The following PLEKHG3 variants were observed in gnomAD, a reference collection of about 807,000 sequenced individuals.
The protein encoded by PLEKHG3 is pleckstrin homology and RhoGEF domain containing G3, also known as pleckstrin homology domain-containing family G member 3.
In PLEKHG3, 62 loss-of-function variants were observed where a neutral mutation model predicts 94.9. That is an observed-to-expected ratio of 0.65 (90% confidence interval 0.53 to 0.81). PLEKHG3 has a LOEUF of 0.81. PLEKHG3 is among the 30% of genes least tolerant of loss of function. The pLI is 0.00. For missense variants in PLEKHG3, 1,461 were observed against 1,619.3 expected, an observed-to-expected ratio of 0.90 and a Z score of 1.68; for synonymous variants, 614 against 654.0, an observed-to-expected ratio of 0.94 and a Z score of 0.93.
intron 15 of PLEKHG3, among the ~76,000 whole-genome samples, chr14:64,740,438 C>A (rs1017228398): frequency 2.0e-5 from 3 of 152,256 alleles, no homozygotes; most frequent in African/African-American, 7.2e-5. Context: ...GCTGGGCCCA[C>A]AGGTACTGGG....
rs1233244776 is a variant in PLEKHG3, at chr14:64,743,680, C to T, written c.3637C>T (p.Gln1213Ter). 3.2e-6 allele frequency: 5 copies of T among 1,579,716 alleles called. No homozygotes were observed. In the African/African-American group the frequency reaches 4.0e-5, roughly 13 times the overall value. ...AGTGAGAAACCTTAGAGAGAAGTTC[C>T]AGGCCTTGAACTCTGTCGGTTGATG... ...GRVRNLREKF[Q>*]ALNSVG is the part of the protein sequence containing the mutation. The change falls in exon 17 of 17, where the codon CAG (glutamine) becomes TAG (stop). Residue 1213 changes from glutamine to a stop codon, truncating the protein, a stop_gained. Coordinates refer to ENST00000247226, the MANE Select transcript of PLEKHG3 (RefSeq NM_001308147.2). LOFTEE classifies it high-confidence loss of function. The surrounding 1 kb of genome is among the most constrained non-coding windows in gnomAD (Gnocchi z 7.2).
At chr14:64,709,444 A>C (rs1176697826) in intron 1 of PLEKHG3, among the ~76,000 whole-genome samples, 4 of 152,126 alleles carry the variant, frequency 2.6e-5, no homozygotes, top group African/African-American at 9.7e-5. Context: ...ATTTTTAAGG[A>C]CTTGCACTCT....
In PLEKHG3 at chr14:64,730,193, C is replaced by A; in HGVS notation, c.450-50C>A. 2.0e-6 allele frequency: 2 copies of A among 985,164 alleles called. No homozygotes were observed. The highest frequency in any genetic ancestry group is 3.1e-6 in the Non-Finnish European group (2 of 644,168). The allele number at this position is 985,164 out of a possible 1,614,324, so 61.0% of individuals were successfully genotyped here. On this transcript the variant is annotated intron_variant, in intron 3 of 16. Transcript: ENST00000247226. The surrounding 1 kb of genome is among the most constrained non-coding windows in gnomAD (Gnocchi z 5.4). ...AGGTTGGGGAGGGGGCAGTGAGGGG[C>A]ATTGTCCTCTGACTGCAGAGGGTAC...
In PLEKHG3 at chr14:64,742,086, A is replaced by G. The variant is rs1272068670; in HGVS notation, c.2569A>G (p.Ile857Val). Residue 857 changes from isoleucine (I) to valine (V), a missense_variant, in exon 16 of 17, where the codon ATC (isoleucine) becomes GTC (valine). Around this residue, in one of 3 missense-constraint regions of PLEKHG3, gnomAD observed 1,201 missense variants for 1,295.5 expected, o/e 0.93. Coordinates refer to ENST00000247226, the MANE Select transcript of PLEKHG3 (RefSeq NM_001308147.2). Reference protein sequence around the residue: ...FILEEHELGAITEESATASPE... With the variant: ...FILEEHELGAVTEESATASPE... ...CCTGGAGGAGCATGAGCTGGGAGCC[A>G]TCACAGAGGAGTCGGCCACTGCCTC... 2.5e-6 allele frequency: 4 copies of G among 1,609,474 alleles called. No individual in the cohort carries two copies. The East Asian group carries it at 6.7e-5, about 27-fold the overall frequency.
chr14:64,745,931 C>G lies in PLEKHG3; in HGVS notation c.*2228C>G, dbSNP rs1275897366. ...AGTGCTTACATTCCATCTCCCTAGA[C>G]CAACAGAAACTGCCCTCTGGAGGTG... On this transcript the variant is annotated 3_prime_UTR_variant, in exon 17 of 17. Coordinates refer to ENST00000247226, the MANE Select transcript of PLEKHG3 (RefSeq NM_001308147.2). This position sits in a 1 kb window ranked among gnomAD's most constrained non-coding sequence, Gnocchi z 5.0. The G allele has an allele frequency of 6.6e-6, 1 of 152,212 alleles. No homozygotes were observed. The highest frequency in any genetic ancestry group is 3.2e-3 in the Middle Eastern group (1 of 316). 9.4% of individuals were successfully genotyped at this position (152,212 alleles called of 1,614,324 possible).
intron 1 of PLEKHG3, among the ~76,000 whole-genome samples, chr14:64,714,941 C>T (rs977703466): frequency 6.6e-6 from 1 of 152,120 alleles, no homozygotes; most frequent in African/African-American, 2.4e-5. Flanking sequence ...TGGTTCTTAC[C>T]TCTAGGAGGT....
rs769300381 is a variant in PLEKHG3 at position 64,749,312 on chromosome 14, C to T, written c.*5609C>T. 1 of 1,602,682 alleles carries T rather than the reference C, an allele frequency of 6.2e-7. No individual in the cohort carries two copies. Among genetic ancestry groups the T allele is most frequent in the African/African-American group, 1.3e-5 (1 of 74,784 alleles). ...CGCCCGCCAGCCCCACCTGCTACTT[C>T]TTTTTGGGGAAGAAGCTGAATCTCT... On this transcript the variant is annotated 3_prime_UTR_variant, in exon 17 of 17. Coordinates refer to ENST00000247226, the MANE Select transcript of PLEKHG3 (RefSeq NM_001308147.2). The surrounding 1 kb of genome is among the most constrained non-coding windows in gnomAD (Gnocchi z 4.7).
At position 64,716,456 on chromosome 14, in the gene PLEKHG3, AC is replaced by A. The variant is rs1312115506; in HGVS notation, c.-39-11136del. 4.3e-5 allele frequency among the ~76,000 whole-genome samples: 6 copies of A among 138,994 alleles called. No individual in the cohort carries two copies. The highest frequency in any genetic ancestry group is 1.6e-4 in the African/African-American group (6 of 36,534). The allele number at this position is 138,994 out of a possible 152,430, so 91.2% of individuals were successfully genotyped here. ...GCCCTACACACACACACACACACAC[AC>A]ACACACACAACACACACACACACAA... is the stretch of plus-strand genomic sequence containing the variant. On this transcript the variant is annotated intron_variant, in intron 1 of 16. Transcript: ENST00000247226. The surrounding 1 kb of genome is among the most constrained non-coding windows in gnomAD (Gnocchi z 5.0).
At position 64,729,280 on chromosome 14, in the gene PLEKHG3, A is replaced by G. The variant is rs868043692; in HGVS notation, c.449+187A>G. Among the ~76,000 whole-genome samples the G allele has an allele frequency of 6.6e-5, 10 of 152,194 alleles. No individual in the cohort carries two copies. The South Asian group carries it at 1.2e-3, about 19-fold the overall frequency. On this transcript the variant is annotated intron_variant, in intron 3 of 16. Coordinates refer to ENST00000247226, the MANE Select transcript of PLEKHG3 (RefSeq NM_001308147.2). ...CTGATCTGCTTTCTCTCAAGGGCAG[A>G]CGGGGAGGTAATTTGAGGTTGTGTG...
At position 64,730,703 on chromosome 14, in the gene PLEKHG3, T is replaced by C. The variant is rs1481216079; in HGVS notation, c.566+15T>C. 6.2e-7 allele frequency: 1 copy of C among 1,612,926 alleles called. No individual in the cohort carries two copies. Among genetic ancestry groups the C allele is most frequent in the South Asian group, 1.1e-5 (1 of 91,050 alleles). ...AATTACCCCAAGTGAGTAATTGGGGTGAGAGGGAAGGCAGAGCCATTTGGT... is the reference window on the plus strand; with the variant it reads ...AATTACCCCAAGTGAGTAATTGGGGCGAGAGGGAAGGCAGAGCCATTTGGT... On this transcript the variant is annotated intron_variant, in intron 5 of 16. Transcript: ENST00000247226. This position sits in a 1 kb window ranked among gnomAD's most constrained non-coding sequence, Gnocchi z 5.4.
At chr14:64,736,731 A>AG (rs2081577742) in intron 12 of PLEKHG3, 122 bp from the exon 13 acceptor site, 6 of 773,694 alleles carry the variant, frequency 7.8e-6, no homozygotes, top group Non-Finnish European at 1.4e-5. Flanking sequence ...CTATGACTGC[A>AG]GGGGGCCAAG....
In PLEKHG3 at chr14:64,709,802, C is replaced by G. The variant is rs550216816; in HGVS notation, c.-40+5098C>G. 1.5e-4 allele frequency among the ~76,000 whole-genome samples: 22 copies of G among 151,718 alleles called. No individual in the cohort carries two copies. In the South Asian group the frequency reaches 4.4e-3, roughly 30 times the overall value. ...AGGAACCAGTATTCTCATATAGCTTCTATTCCTTCAGTTCATTGCTACATC... is the reference window on the plus strand; with the variant it reads ...AGGAACCAGTATTCTCATATAGCTTGTATTCCTTCAGTTCATTGCTACATC... On this transcript the variant is annotated intron_variant, in intron 1 of 16. Coordinates refer to ENST00000247226, the MANE Select transcript of PLEKHG3 (RefSeq NM_001308147.2).
In PLEKHG3 at chr14:64,731,995, TG is replaced by T; in HGVS notation, c.1126-98del. The T allele has an allele frequency of 1.0e-6, 1 of 954,408 alleles. No homozygotes were observed. Among genetic ancestry groups the T allele is most frequent in the Non-Finnish European group, 1.7e-6 (1 of 589,056 alleles). The allele number at this position is 954,408 out of a possible 1,614,324, so 59.1% of individuals were successfully genotyped here. ...GGTTAACCTCACAGAGGCCCCAGCA[TG>T]GCCCCACTTTTTCTCCCTGGGTGGA... is the stretch of plus-strand genomic sequence containing the variant. On this transcript the variant is annotated intron_variant, in intron 9 of 16. Coordinates refer to ENST00000247226, the MANE Select transcript of PLEKHG3 (RefSeq NM_001308147.2). The surrounding 1 kb of genome is among the most constrained non-coding windows in gnomAD (Gnocchi z 6.1).
rs766894830 is a variant in PLEKHG3, at chr14:64,727,880, G to A, written c.249G>A (p.Ala83=). The A allele has an allele frequency of 1.8e-5, 29 of 1,613,088 alleles. No homozygotes were observed. Among genetic ancestry groups the A allele is most frequent in the East Asian group, 2.2e-5 (1 of 44,862 alleles). The change falls in exon 2 of 17, where the codon GCG becomes GCA. Residue 83 remains alanine, a synonymous_variant. Transcript: ENST00000247226. This position sits in a 1 kb window ranked among gnomAD's most constrained non-coding sequence, Gnocchi z 6.0. ...TCTCCCCGTTCAACAGCCGGGCAGC[G>A]GCAGGGCCTGCACACCACAAGCTCA... ...GPLSPFNSRA[A]AGPAHHKLSY...
chr14:64,744,696 A>T lies in PLEKHG3; in HGVS notation c.*993A>T, dbSNP rs1436830415. 6.6e-6 allele frequency: 1 copy of T among 151,878 alleles called. No individual in the cohort carries two copies. Among genetic ancestry groups the T allele is most frequent in the Non-Finnish European group, 1.5e-5 (1 of 68,016 alleles). 9.4% of individuals were successfully genotyped at this position (151,878 alleles called of 1,614,324 possible). On this transcript the variant is annotated 3_prime_UTR_variant, in exon 17 of 17. Transcript: ENST00000247226. ...GTGAGGTGGATAGACTGTTTTTCTC[A>T]TAAGCAGATGCTCCCAGTATCTGGT...
chr14:64,741,711 G>T lies in PLEKHG3; in HGVS notation c.2194G>T (p.Ala732Ser). 6.2e-7 allele frequency: 1 copy of T among 1,613,096 alleles called. No homozygotes were observed. ...TTATGAAAATGCAGAACACCATGAT[G>T]CAGGCTTCAGCGTCCGTCGCCGGGA... The part of the protein sequence containing the change: ...SYYENAEHHD[A>S]GFSVRRRESL... Residue 732 changes from alanine (A) to serine (S), a missense_variant, in exon 16 of 17, where the codon GCA (alanine) becomes TCA (serine). This residue lies in a region of PLEKHG3 where 1,201 missense variants were observed against 1,295.5 expected (regional missense o/e 0.93). Coordinates refer to ENST00000247226, the MANE Select transcript of PLEKHG3 (RefSeq NM_001308147.2).
rs2081277698 is a variant in PLEKHG3, at chr14:64,722,434, C to A, written c.-39-5159C>A. ...ATATTGGTCAGGCTGGTCTCAAACTCCTCTCAAACTCCTGACCAAAGGTGA... is the reference window on the plus strand; with the variant it reads ...ATATTGGTCAGGCTGGTCTCAAACTACTCTCAAACTCCTGACCAAAGGTGA... On this transcript the variant is annotated intron_variant, in intron 1 of 16. Coordinates refer to ENST00000247226, the MANE Select transcript of PLEKHG3 (RefSeq NM_001308147.2). The surrounding 1 kb of genome is among the most constrained non-coding windows in gnomAD (Gnocchi z 4.3). Among the ~76,000 whole-genome samples the A allele has an allele frequency of 6.6e-6, 1 of 152,132 alleles. No homozygotes were observed. Among genetic ancestry groups the A allele is most frequent in the Non-Finnish European group, 1.5e-5 (1 of 68,016 alleles).
intron 15 of PLEKHG3, among the ~76,000 whole-genome samples, chr14:64,740,048 T>A (rs1366056331): frequency 6.6e-6 from 1 of 152,252 alleles, no homozygotes; most frequent in Non-Finnish European, 1.5e-5. Context: ...TTCTAACATG[T>A]AATCAACATA....
At position 64,728,933 on chromosome 14, in the gene PLEKHG3, CT is replaced by C; in HGVS notation, c.352-62del. The C allele has an allele frequency of 1.5e-6, 1 of 653,170 alleles. No individual in the cohort carries two copies. The highest frequency in any genetic ancestry group is 2.7e-6 in the Non-Finnish European group (1 of 364,732). The allele number at this position is 653,170 out of a possible 1,614,324, so 40.5% of individuals were successfully genotyped here. On this transcript the variant is annotated intron_variant, in intron 2 of 16. Transcript: ENST00000247226. The surrounding 1 kb of genome is among the most constrained non-coding windows in gnomAD (Gnocchi z 5.9). Reference sequence around the variant, plus strand: ...ACAGCAGGGCCGAAACGAGGTGTGGCTAGGGAAGGTAGTGGGCAGGGTTGTG... The same window carrying C: ...ACAGCAGGGCCGAAACGAGGTGTGGCAGGGAAGGTAGTGGGCAGGGTTGTG...
Sources: allele counts gnomAD v4.1 joint callset (sites outside exome capture counted in the v4.1 genomes callset), GRCh38; gene constraint gnomAD v4.1.1; regional missense constraint gnomAD v4.1.1; non-coding constraint Gnocchi (gnomAD v3.1); transcripts MANE v1.5; gene names NCBI Gene and HGNC (gene_info 2026-07-23, HGNC 2026-07-21).